NUP214: variants seen among roughly 807,000 people sequenced by gnomAD.
NUP214 encodes nuclear pore complex protein Nup214.
In NUP214, 79 loss-of-function variants were observed where a neutral mutation model predicts 196.2. The observed-to-expected ratio is 0.40, with a 90% CI of 0.34 to 0.49. The LOEUF is 0.49. Among genes scored for constraint, NUP214 ranks in the 20% least tolerant of loss-of-function variants. The pLI is 0.58. For missense variants in NUP214, 2,468 were observed against 2,539.0 expected (o/e 0.97, Z 0.60); for synonymous variants, 1,020 against 990.5 (o/e 1.03, Z -0.56).
At chr9:131,174,567 C>T (rs1833061096) in intron 22 of NUP214, among the ~76,000 whole-genome samples, 1 of 149,820 alleles carries the variant, frequency 6.7e-6, no homozygotes, top group South Asian at 2.1e-4. Context: ...TCCTGCCTCA[C>T]CCTCCCAAGT....
intron 17 of NUP214, 127 bp downstream of exon 17, chr9:131,152,021 T>C: frequency 1.5e-6 from 1 of 682,866 alleles, no homozygotes; most frequent in Non-Finnish European, 2.3e-6. Flanking sequence ...GCTTATAATT[T>C]ACCACATTTC....
At chr9:131,200,431 C>T (rs1255740286) in intron 29 of NUP214, among the ~76,000 whole-genome samples, 1 of 151,874 alleles carries the variant, frequency 6.6e-6, no homozygotes, top group Non-Finnish European at 1.5e-5. Flanking sequence ...CAAACATTGC[C>T]GGGCGCGGTG....
chr9:131,201,022 G>A lies in NUP214; in HGVS notation c.5522-625G>A, dbSNP rs115736241. The stretch of plus-strand genomic sequence containing the variant: ...GGTAGGAGAGGATTCATTCCCCAGG[G>A]CTTTAGAACTTACACTATTTTAAAA... On this transcript the variant is annotated intron_variant, in intron 29 of 35. Coordinates refer to ENST00000359428, the MANE Select transcript of NUP214 (RefSeq NM_005085.4). Among the ~76,000 whole-genome samples, 346 of 150,802 alleles carry A rather than the reference G, an allele frequency of 2.3e-3. 4 individuals are homozygous for A. Among genetic ancestry groups the A allele is most frequent in the African/African-American group, 8.1e-3 (332 of 40,958 alleles).
chr9:131,134,621 C>T (rs1360080795), intron 7 of NUP214, among the ~76,000 whole-genome samples: 1 of 151,932 alleles, frequency 6.6e-6, no homozygotes, highest in Non-Finnish European at 1.5e-5. Context: ...CTTAGTAGGT[C>T]TAGTATACAC....
chr9:131,213,751 CTGTTGTTGTTGT>C (rs55661030), intron 30 of NUP214, among the ~76,000 whole-genome samples: 390 of 147,646 alleles, frequency 2.6e-3, no homozygotes, highest in African/African-American at 4.7e-3. Flanking sequence ...TGAATTGGTA[CTGTTGTTGTTGT>C]TGTTGTTGTT....
At chr9:131,196,572 T>C (rs895804900) in intron 28 of NUP214, among the ~76,000 whole-genome samples, 2 of 152,162 alleles carry the variant, frequency 1.3e-5, no homozygotes, top group African/African-American at 4.8e-5. Context: ...ATTGTAATGA[T>C]CTAGATTTTC....
In NUP214 at chr9:131,146,095, G is replaced by A; in HGVS notation, c.1770-34G>A. The A allele has an allele frequency of 6.2e-7, 1 of 1,602,852 alleles. No individual in the cohort carries two copies. Among genetic ancestry groups the A allele is most frequent in the Non-Finnish European group, 8.5e-7 (1 of 1,170,548 alleles). On this transcript the variant is annotated intron_variant, in intron 12 of 35. Transcript: ENST00000359428. The surrounding 1 kb of genome is among the most constrained non-coding windows in gnomAD (Gnocchi z 4.6). ...CTAGTGTAAAAGAATCTTCTAGCAG[G>A]CTCTTCTGAGGCCTTCAGGCTGCCA...
intron 1 of NUP214, among the ~76,000 whole-genome samples, chr9:131,126,786 G>A (rs922675658): frequency 3.9e-5 from 6 of 152,032 alleles, no homozygotes; most frequent in African/African-American, 1.4e-4. Context: ...CTGACCTAAC[G>A]TGATCCGCCC....
chr9:131,217,965 T>A (rs998919775), intron 31 of NUP214, among the ~76,000 whole-genome samples: 2 of 152,184 alleles, frequency 1.3e-5, no homozygotes, highest in African/African-American at 4.8e-5. Flanking sequence ...TGTGGAGTAT[T>A]TATATCATGG....
intron 17 of NUP214, among the ~76,000 whole-genome samples, chr9:131,154,956 C>G (rs1323328016): frequency 6.6e-6 from 1 of 152,198 alleles, no homozygotes; most frequent in Non-Finnish European, 1.5e-5. Flanking sequence ...TGTAAACATG[C>G]GTGTGCAAGT....
chr9:131,180,924 G>T (rs866435318), intron 24 of NUP214, among the ~76,000 whole-genome samples: 1 of 152,224 alleles, frequency 6.6e-6, no homozygotes, highest in Non-Finnish European at 1.5e-5. Flanking sequence ...TACCTGTTTT[G>T]TTGTTAACAA....
At chr9:131,151,579 G>A (rs76709528) in intron 16 of NUP214, among the ~76,000 whole-genome samples, 157 bp from the exon 17 acceptor site, 10 of 152,162 alleles carry the variant, frequency 6.6e-5, no homozygotes, top group East Asian at 1.9e-4. Flanking sequence ...CATTAGTGTC[G>A]TTCTAAACAG....
chr9:131,215,174 C>G lies in NUP214; in HGVS notation c.5593-38C>G, dbSNP rs756041262. The stretch of plus-strand genomic sequence containing the variant: ...GCAGCCTGCCATTTCACGATGACCT[C>G]TCATCCTATCTTGCTTCCTGACCCT... On this transcript the variant is annotated intron_variant, in intron 30 of 35. Transcript: ENST00000359428. 11 of 1,464,972 alleles carry G rather than the reference C, an allele frequency of 7.5e-6. No individual in the cohort carries two copies. The South Asian group carries it at 1.6e-4, about 22-fold the overall frequency. The allele number at this position is 1,464,972 out of a possible 1,614,324, so 90.7% of individuals were successfully genotyped here.
In NUP214 at chr9:131,174,197, C is replaced by T; in HGVS notation, c.3036C>T (p.Ala1012=). The T allele has an allele frequency of 6.2e-7, 1 of 1,613,890 alleles. No individual in the cohort carries two copies. The highest frequency in any genetic ancestry group is 1.6e-4 in the Middle Eastern group (1 of 6,062). ...SCKDDEAVVQ[A]PRHAPVVRTP... is the part of the protein sequence containing the mutation. ...AAGATGACGAGGCAGTGGTTCAGGC[C>T]CCTCGGCACGCCCCCGTGGTTCGCA... Residue 1012 remains alanine (A), a synonymous_variant, in exon 22 of 36, where the codon GCC becomes GCT. Coordinates refer to ENST00000359428, the MANE Select transcript of NUP214 (RefSeq NM_005085.4).
chr9:131,127,414 T>C (rs1831396518), intron 1 of NUP214, 110 bp from the exon 2 acceptor site: 1 of 818,712 alleles, frequency 1.2e-6, no homozygotes. Context: ...GAGACAGACC[T>C]TGGTCTCAGT....
rs1437526997 is a variant in NUP214, at chr9:131,133,213, T to C, written c.831+4T>C. On this transcript the variant is annotated splice_donor_region_variant and intron_variant, in intron 7 of 35. Coordinates refer to ENST00000359428, the MANE Select transcript of NUP214 (RefSeq NM_005085.4). Reference sequence around the variant, plus strand: ...TGTGGTGATGGCTCTACTACCGGTATGCCTGTGGAAGAAATTTCATTGTTT... The same window carrying C: ...TGTGGTGATGGCTCTACTACCGGTACGCCTGTGGAAGAAATTTCATTGTTT... 1.0e-5 allele frequency: 15 copies of C among 1,494,476 alleles called. No individual in the cohort carries two copies. The highest frequency in any genetic ancestry group is 1.3e-5 in the Non-Finnish European group (15 of 1,115,720). 92.6% of individuals were successfully genotyped at this position (1,494,476 alleles called of 1,614,324 possible).
chr9:131,230,885 G>A (rs1220978773), intron 34 of NUP214, 116 bp downstream of exon 34: 2 of 1,248,186 alleles, frequency 1.6e-6, no homozygotes, highest in Non-Finnish European at 2.2e-6. Flanking sequence ...AAGCTGACTG[G>A]GCACGTGGTT....
At chr9:131,137,661 A>G (rs781724000) in intron 9 of NUP214, among the ~76,000 whole-genome samples, 4 of 145,722 alleles carry the variant, frequency 2.7e-5, no homozygotes, top group Admixed American at 2.2e-4. Flanking sequence ...AGCGATTCTC[A>G]TGCCTCAGCC....
chr9:131,135,824 C>A, intron 8 of NUP214, 116 bp from the exon 9 acceptor site: 2 of 715,504 alleles, frequency 2.8e-6, no homozygotes, highest in Non-Finnish European at 2.4e-6. Flanking sequence ...AGATAAAAAA[C>A]CTTACTCTCT....
Sources: gnomAD v4.1 joint callset for allele counts (sites outside exome capture counted in the v4.1 genomes callset) on GRCh38, gnomAD v4.1.1 for gene constraint, Gnocchi (gnomAD v3.1) non-coding constraint, MANE v1.5 for transcripts, NCBI Gene and HGNC (gene_info 2026-07-23, HGNC 2026-07-21) for gene names.